The following A2ML1 variants were observed in gnomAD, a reference collection of about 807,000 sequenced individuals.
A2ML1 encodes alpha-2-macroglobulin like 1, also known as alpha-2-macroglobulin-like protein 1.
A2ML1 carries 161 observed loss-of-function variants against 181.9 expected under a neutral mutation model. The observed-to-expected ratio is 0.89, with a 90% CI of 0.78 to 1.01. The LOEUF (loss-of-function observed/expected upper bound fraction) is 1.01. Among genes scored for constraint, A2ML1 ranks in the 50% least tolerant of loss-of-function variants. The pLI is 0.00. For missense variants in A2ML1, 1,670 were observed against 1,768.1 expected (o/e 0.94, Z 1.00); for synonymous variants, 663 against 666.8 (o/e 0.99, Z 0.09).
At chr12:8,832,041 C>T (rs769152988) in intron 4 of A2ML1, among the ~76,000 whole-genome samples, 11 of 152,118 alleles carry the variant, frequency 7.2e-5, no homozygotes, top group South Asian at 2.1e-4. Context: ...TGAGCCACCG[C>T]GCCTGGCCAG....
At chr12:8,859,466 T>A (rs967763753) in intron 26 of A2ML1, among the ~76,000 whole-genome samples, 7 of 152,062 alleles carry the variant, frequency 4.6e-5, no homozygotes, top group Non-Finnish European at 1.0e-4. Context: ...GGCGAGTGGA[T>A]CATGAGGTCA....
rs958481200 is a variant in A2ML1, at chr12:8,863,968, C to A, written c.3677C>A (p.Ala1226Asp). 5 of 1,463,996 alleles carry A rather than the reference C, an allele frequency of 3.4e-6. No individual in the cohort carries two copies. The Admixed American group carries it at 5.3e-5, about 16-fold the overall frequency. 90.7% of individuals were successfully genotyped at this position (1,463,996 alleles called of 1,614,324 possible). ...GCCACTAGCATAGTGGCTTGGTTGG[C>A]CAAGCAACACAATGCATATGGGGGC... ...AKATSIVAWLAKQHNAYGGFS... is the reference protein window; with the variant it reads ...AKATSIVAWLDKQHNAYGGFS... The change falls in exon 29 of 36, where the codon GCC becomes GAC. Residue 1226 changes from alanine to aspartate, a missense_variant. Physicochemically the swap from Ala to Asp is moderately radical, Grantham distance 126 (BLOSUM62 -2). Transcript: ENST00000299698.
At chr12:8,865,579 T>C (rs1443363271) in intron 29 of A2ML1, among the ~76,000 whole-genome samples, 1 of 152,132 alleles carries the variant, frequency 6.6e-6, no homozygotes, top group East Asian at 1.9e-4. Flanking sequence ...CAATTTTAAC[T>C]TTGTTTCAGA....
chr12:8,836,362 T>C (rs1351127671), intron 7 of A2ML1, 23 bp downstream of exon 7: 1 of 1,595,622 alleles, frequency 6.3e-7, no homozygotes, highest in South Asian at 1.1e-5. Flanking sequence ...GCTTGGGATC[T>C]GGTGGAGATT....
chr12:8,840,861 C>T (rs1351140342), intron 10 of A2ML1, among the ~76,000 whole-genome samples: 12 of 150,288 alleles, frequency 8.0e-5, no homozygotes, highest in Admixed American at 1.3e-4. Flanking sequence ...GAGCTGAGCT[C>T]GTCCCACTGC....
chr12:8,822,762 C>A (rs961166155), intron 1 of A2ML1, 49 bp downstream of exon 1: 7 of 1,566,232 alleles, frequency 4.5e-6, no homozygotes, highest in Non-Finnish European at 6.2e-6. Context: ...GGCTTCTTCG[C>A]CTAACTTTCT....
At position 8,857,349 on chromosome 12, in the gene A2ML1, G is replaced by C. The variant is rs747160789; in HGVS notation, c.3025+9G>C. ...GGGTTTCCTGGAAATAGGTAAGTTG[G>C]TTCAGTCTTTCTTTCTTGAACACTC... On this transcript the variant is annotated intron_variant, in intron 24 of 35. Coordinates refer to ENST00000299698, the MANE Select transcript of A2ML1 (RefSeq NM_144670.6). The C allele has an allele frequency of 6.2e-7, 1 of 1,613,774 alleles. No homozygotes were observed. Among genetic ancestry groups the C allele is most frequent in the East Asian group, 2.2e-5 (1 of 44,886 alleles).
chr12:8,872,803 AAG>A (rs1014539354), intron 33 of A2ML1, among the ~76,000 whole-genome samples: 16 of 150,520 alleles, frequency 1.1e-4, no homozygotes, highest in African/African-American at 4.0e-4. Context: ...AAAAAAGAAA[AAG>A]AAAAAGAAAA....
downstream of A2ML1, among the ~76,000 whole-genome samples, chr12:8,879,863 T>A (rs1486197428): frequency 2.0e-5 from 3 of 152,196 alleles, no homozygotes; most frequent in African/African-American, 7.2e-5. Flanking sequence ...AGCATTCAAG[T>A]GACACTTGGT....
rs910244115 is a variant in A2ML1, at chr12:8,844,977, AGAG to A, written c.1477-461_1477-459del. ...GAGTGGACGGGAAGGGGGAGTTAGA[AGAG>A]GAGATTTCTCCTCTAGAGGGTTCAA... is the stretch of plus-strand genomic sequence containing the variant. On this transcript the variant is annotated intron_variant, in intron 12 of 35. Coordinates refer to ENST00000299698, the MANE Select transcript of A2ML1 (RefSeq NM_144670.6). The A allele has an allele frequency of 3.7e-5, 51 of 1,360,780 alleles. No individual in the cohort carries two copies. The Admixed American group carries it at 1.7e-3, about 44-fold the overall frequency. 84.3% of individuals were successfully genotyped at this position (1,360,780 alleles called of 1,614,324 possible). A position where few individuals can be genotyped will look rare whatever the true frequency, so the allele number is the denominator to read the frequency against.
intron 12 of A2ML1, chr12:8,845,111 G>T (rs1943622760): frequency 6.9e-7 from 1 of 1,457,350 alleles, no homozygotes. Context: ...CTGACTTTCT[G>T]TTACAAAGAT....
At chr12:8,854,385 T>A in intron 21 of A2ML1, 136 bp downstream of exon 21, 1 of 1,355,808 alleles carries the variant, frequency 7.4e-7, no homozygotes, top group Non-Finnish European at 9.9e-7. Flanking sequence ...CCCTGGCCCC[T>A]TGAACATTTG....
chr12:8,847,812 G>T, intron 15 of A2ML1, 114 bp downstream of exon 15: 1 of 1,371,206 alleles, frequency 7.3e-7, no homozygotes, highest in Non-Finnish European at 9.7e-7. Context: ...ACTGCCATAA[G>T]GCGGTAAAAA....
intron 29 of A2ML1, among the ~76,000 whole-genome samples, chr12:8,866,251 G>A (rs1311860195): frequency 7.5e-6 from 1 of 132,818 alleles, no homozygotes; most frequent in Admixed American, 8.7e-5. Context: ...CTTGCAGTGA[G>A]CCAAGATCGC....
chr12:8,841,309 A>T, intron 10 of A2ML1, 60 bp from the exon 11 acceptor site: 3 of 1,482,846 alleles, frequency 2.0e-6, no homozygotes, highest in Non-Finnish European at 2.8e-6. Context: ...ATTTCACTTT[A>T]CCTCATACTC....
chr12:8,828,663 A>C lies in A2ML1; in HGVS notation c.410-1064A>C, dbSNP rs1943009746. Among the ~76,000 whole-genome samples, 3 of 152,146 alleles carry C rather than the reference A, an allele frequency of 2.0e-5. No homozygotes were observed. In the South Asian group the frequency reaches 6.2e-4, roughly 32 times the overall value. On this transcript the variant is annotated intron_variant, in intron 3 of 35. Coordinates refer to ENST00000299698, the MANE Select transcript of A2ML1 (RefSeq NM_144670.6). ...TTGACTCTTCCCTCTCCTTTTCTCA[A>C]GTAGAAGGAGTCTCTCCCCATAGTC... is the stretch of plus-strand genomic sequence containing the variant.
At chr12:8,881,457 C>A (rs1400449084), downstream of A2ML1, among the ~76,000 whole-genome samples, 1 of 152,204 alleles carries the variant, frequency 6.6e-6, no homozygotes, top group African/African-American at 2.4e-5. Flanking sequence ...CAAGTTGGTG[C>A]TGACTTTCTG....
downstream of A2ML1, among the ~76,000 whole-genome samples, chr12:8,881,136 G>A (rs187182925): frequency 6.6e-6 from 1 of 152,266 alleles, no homozygotes; most frequent in Admixed American, 6.5e-5. Flanking sequence ...ACATACAGGA[G>A]AAAAACCTTT....
In A2ML1 at chr12:8,847,634, C is replaced by A. The variant is rs770246364; in HGVS notation, c.1769C>A (p.Ala590Glu). The stretch of plus-strand genomic sequence containing the variant: ...CAGGCAGCTCCCGGATCCCTGTGTG[C>A]GCTCCGGGCGGTGGATGAGAGTGTC... ...QLQAAPGSLC[A>E]LRAVDESVLL... is the part of the protein sequence containing the mutation. Residue 590 changes from alanine (A) to glutamate (E), a missense_variant, in exon 15 of 36, where the codon GCG becomes GAG. Coordinates refer to ENST00000299698, the MANE Select transcript of A2ML1 (RefSeq NM_144670.6). 10 of 1,613,556 alleles carry A rather than the reference C, an allele frequency of 6.2e-6. No homozygotes were observed. Among genetic ancestry groups the A allele is most frequent in the South Asian group, 1.1e-5 (1 of 90,990 alleles).
Sources: allele counts gnomAD v4.1 joint callset (sites outside exome capture counted in the v4.1 genomes callset), GRCh38; gene constraint gnomAD v4.1.1; transcripts MANE v1.5; gene names NCBI Gene and HGNC (gene_info 2026-07-23, HGNC 2026-07-21).